The following NRIP1 variants were observed in gnomAD, a reference collection of about 807,000 sequenced individuals.
The protein encoded by NRIP1 is nuclear receptor interacting protein 1, also known as nuclear receptor-interacting protein 1.
A neutral mutation model predicts 75.0 loss-of-function variants in NRIP1; 28 were observed. That is an observed-to-expected ratio of 0.37 (90% CI 0.28 to 0.51). The LOEUF is 0.51. NRIP1 is among the 20% of genes least tolerant of loss of function. The pLI is 0.92. For synonymous variants in NRIP1, 526 were observed against 487.6 expected (o/e 1.08, Z -1.04); for missense variants, 1,435 against 1,343.7 (o/e 1.07, Z -1.06).
intron 1 of NRIP1, chr21:15,051,237 T>C (rs370498183): frequency 4.2e-6 from 1 of 236,334 alleles, no homozygotes. Flanking sequence ...CCTTTTCACA[T>C]GCACCTGACT....
In NRIP1 at chr21:14,967,017, T is replaced by C. The variant is rs1332944800; in HGVS notation, c.1176A>G (p.Pro392=). ...HLLKSQTIPK[P]MNGHSHSERG... The stretch of plus-strand genomic sequence containing the variant: ...TCTCACTGTGACTGTGTCCATTCAT[T>C]GGCTTAGGTATAGTCTGGCTTTTAA... The change falls in exon 4 of 4, where the codon CCA becomes CCG. Residue 392 remains proline, a synonymous_variant. Coordinates refer to ENST00000318948, the MANE Select transcript of NRIP1 (RefSeq NM_003489.4). The C allele has an allele frequency of 6.2e-7, 1 of 1,614,188 alleles. No homozygotes were observed. Among genetic ancestry groups the C allele is most frequent in the South Asian group, 1.1e-5 (1 of 91,084 alleles).
intron 2 of NRIP1, among the ~76,000 whole-genome samples, chr21:15,036,343 A>G (rs2147289466): frequency 6.6e-6 from 1 of 152,328 alleles, no homozygotes; most frequent in Admixed American, 6.5e-5. Flanking sequence ...TTGAGAAACT[A>G]TAATCATTTC....
At chr21:15,045,698 T>C (rs2089058248) in intron 1 of NRIP1, among the ~76,000 whole-genome samples, 1 of 152,260 alleles carries the variant, frequency 6.6e-6, no homozygotes, top group Admixed American at 6.5e-5. Flanking sequence ...TAATGCTGTT[T>C]GATAGCATTT....
At chr21:15,039,701 T>C (rs1024911954) in intron 2 of NRIP1, among the ~76,000 whole-genome samples, 1 of 152,088 alleles carries the variant, frequency 6.6e-6, no homozygotes, top group Non-Finnish European at 1.5e-5. Context: ...CACATTCAAT[T>C]AAGCCAGCCA....
intron 2 of NRIP1, among the ~76,000 whole-genome samples, chr21:15,032,122 T>C (rs2088717017): frequency 6.6e-6 from 1 of 152,214 alleles, no homozygotes; most frequent in Non-Finnish European, 1.5e-5. Context: ...AGGAAGTAGG[T>C]CAGTGATAGT....
intron 3 of NRIP1, among the ~76,000 whole-genome samples, chr21:14,990,815 A>AT (rs1332162845): frequency 1.3e-5 from 2 of 152,218 alleles, no homozygotes; most frequent in African/African-American, 4.8e-5. Context: ...AACTTCTATC[A>AT]TTTCTAGCAT....
chr21:15,045,077 C>T (rs935515808), intron 1 of NRIP1, among the ~76,000 whole-genome samples: 1 of 152,212 alleles, frequency 6.6e-6, no homozygotes, highest in Non-Finnish European at 1.5e-5. Context: ...CTCATCCACT[C>T]ATTCACTGTC....
At position 14,966,493 on chromosome 21, in the gene NRIP1, T is replaced by G; in HGVS notation, c.1700A>C (p.Asn567Thr). ...GATGACCAGAGAGTGTTGAGAGAGA[T>G]TGATGGGAGACCCTGCTTTGCTTGA... ...LTSSKAGSPI[N>T]LSQHSLVIKW... is the part of the protein sequence containing the mutation. The change falls in exon 4 of 4, where the codon AAT (asparagine) becomes ACT (threonine). Residue 567 changes from asparagine (N) to threonine (T), a missense_variant. Coordinates refer to ENST00000318948, the MANE Select transcript of NRIP1 (RefSeq NM_003489.4). 6.2e-7 allele frequency: 1 copy of G among 1,614,012 alleles called. No individual in the cohort carries two copies. Among genetic ancestry groups the G allele is most frequent in the Non-Finnish European group, 8.5e-7 (1 of 1,179,940 alleles).
At chr21:15,012,816 G>A (rs1327412417) in intron 3 of NRIP1, among the ~76,000 whole-genome samples, 1 of 152,080 alleles carries the variant, frequency 6.6e-6, no homozygotes, top group Admixed American at 6.5e-5. Flanking sequence ...CTCATTGGCT[G>A]TGTATATTTA....
intron 3 of NRIP1, among the ~76,000 whole-genome samples, chr21:15,000,649 AAAAGAG>A (rs1482162683): frequency 6.6e-6 from 1 of 152,158 alleles, no homozygotes; most frequent in Non-Finnish European, 1.5e-5. Flanking sequence ...ACTGTAAGTA[AAAAGAG>A]TTTAAAGAAC....
chr21:15,030,830 C>G (rs1394376473), intron 2 of NRIP1, among the ~76,000 whole-genome samples: 4 of 148,138 alleles, frequency 2.7e-5, no homozygotes, highest in Non-Finnish European at 6.1e-5. Flanking sequence ...TGTGTATACA[C>G]TCTGGAAGGC....
intron 2 of NRIP1, among the ~76,000 whole-genome samples, chr21:15,023,281 G>C (rs1436917015): frequency 6.6e-6 from 1 of 152,120 alleles, no homozygotes; most frequent in Non-Finnish European, 1.5e-5. Context: ...AACATCAAAA[G>C]TAATTTCAGG....
intron 2 of NRIP1, among the ~76,000 whole-genome samples, chr21:15,037,105 T>C (rs373699557): frequency 1.3e-5 from 2 of 152,136 alleles, no homozygotes; most frequent in Non-Finnish European, 2.9e-5. Context: ...CTTATTCAGG[T>C]AAGGAACATT....
intron 2 of NRIP1, among the ~76,000 whole-genome samples, chr21:15,039,315 A>G (rs1221289496): frequency 6.6e-6 from 1 of 152,100 alleles, no homozygotes; most frequent in Admixed American, 6.5e-5. Context: ...AGATCTGGGA[A>G]CCAAAACAAG....
chr21:14,967,693 T>A lies in NRIP1; in HGVS notation c.500A>T (p.Asp167Val). 1.2e-6 allele frequency: 2 copies of A among 1,614,134 alleles called. No homozygotes were observed. Among genetic ancestry groups the A allele is most frequent in the South Asian group, 1.1e-5 (1 of 91,082 alleles). Reference protein sequence around the residue: ...LKEQGYALSHDSLKVEKDLRC... With the variant: ...LKEQGYALSHVSLKVEKDLRC... ...TAAATCCTTCTCCACTTTTAAAGAA[T>A]CATGACTGAGGGCATATCCTTGCTC... The change falls in exon 4 of 4, where the codon GAT becomes GTT. Residue 167 changes from aspartate to valine, a missense_variant. Transcript: ENST00000318948.
chr21:14,971,332 A>G (rs2086897447), intron 3 of NRIP1: 1 of 152,208 alleles, frequency 6.6e-6, no homozygotes, highest in African/African-American at 2.4e-5. Context: ...CAAAAAATAT[A>G]TAGATGAGAT....
chr21:14,975,355 AAACTT>A (rs898409325), intron 3 of NRIP1, among the ~76,000 whole-genome samples: 14 of 152,110 alleles, frequency 9.2e-5, no homozygotes, highest in Non-Finnish European at 4.4e-5. Flanking sequence ...TTTTTAATAA[AAACTT>A]AAAACAAAAG....
intron 2 of NRIP1, among the ~76,000 whole-genome samples, chr21:15,022,569 T>G (rs1328121279): frequency 6.6e-6 from 1 of 152,200 alleles, no homozygotes; most frequent in African/African-American, 2.4e-5. Flanking sequence ...AAAATGAGTC[T>G]GATGTAAAAT....
At chr21:14,981,785 A>T (rs2087242380) in intron 3 of NRIP1, among the ~76,000 whole-genome samples, 1 of 152,016 alleles carries the variant, frequency 6.6e-6, no homozygotes, top group Admixed American at 6.6e-5. Context: ...TTGTCTTGAG[A>T]TAGAATGATG....
Sources: allele counts gnomAD v4.1 joint callset (sites outside exome capture counted in the v4.1 genomes callset), GRCh38; gene constraint gnomAD v4.1.1; transcripts MANE v1.5; gene names NCBI Gene and HGNC (gene_info 2026-07-23, HGNC 2026-07-21).